The following DGKE variants were observed in gnomAD, a reference collection of about 807,000 sequenced individuals.
DGKE encodes the protein DAG kinase epsilon.
Under a neutral mutation model 70.0 loss-of-function variants are expected in DGKE, and 53 were observed. That is an observed-to-expected ratio of 0.76 (90% CI 0.61 to 0.95). The LOEUF is 0.95. DGKE is among the 40% of genes least tolerant of loss of function. The pLI, the probability that DGKE is intolerant of heterozygous loss-of-function variation, is 0.00. For synonymous variants in DGKE, 291 were observed against 257.0 expected (o/e 1.13, Z -1.27); for missense variants, 655 against 706.9 (o/e 0.93, Z 0.83).
At chr17:56,862,049 T>G in intron 10 of DGKE, 91 bp from the exon 11 acceptor site, 1 of 1,531,328 alleles carries the variant, frequency 6.5e-7, no homozygotes, top group South Asian at 1.2e-5. Context: ...TTTTTTAAGT[T>G]GATGGTCCAA....
At chr17:56,848,297 A>G (rs1405405757) in intron 5 of DGKE, among the ~76,000 whole-genome samples, 3 of 151,926 alleles carry the variant, frequency 2.0e-5, no homozygotes, top group Non-Finnish European at 4.4e-5. Flanking sequence ...TGCTGAGACT[A>G]TAGGTGTGCG....
In DGKE at chr17:56,848,897, C is replaced by T. The variant is rs762492894; in HGVS notation, c.1046+44C>T. On this transcript the variant is annotated intron_variant, in intron 6 of 11. Transcript: ENST00000284061. ...AAAAGTAGATTTCTTGAGATTTAGCCATAATTGGTTAACAAGTGAAGACTT... is the reference window on the plus strand; with the variant it reads ...AAAAGTAGATTTCTTGAGATTTAGCTATAATTGGTTAACAAGTGAAGACTT... The T allele has an allele frequency of 1.1e-5, 17 of 1,611,784 alleles. No individual in the cohort carries two copies. The Admixed American group carries it at 1.3e-4, about 13-fold the overall frequency.
In DGKE at chr17:56,841,003, C is replaced by T. The variant is rs555398768; in HGVS notation, c.465-3016C>T. 2.0e-5 allele frequency among the ~76,000 whole-genome samples: 3 copies of T among 152,050 alleles called. No homozygotes were observed. The South Asian group carries it at 6.3e-4, about 32-fold the overall frequency. On this transcript the variant is annotated intron_variant, in intron 2 of 11. Transcript: ENST00000284061. The stretch of plus-strand genomic sequence containing the variant: ...ACTCGGTGGCTCACACCTGTAATCC[C>T]AGCACTTTGGGAGGCCGAGGCAGAC...
chr17:56,840,338 T>TA (rs1368755455), intron 2 of DGKE, among the ~76,000 whole-genome samples: 3 of 152,092 alleles, frequency 2.0e-5, no homozygotes, highest in African/African-American at 7.2e-5. Context: ...CCAGATTTAT[T>TA]ATGGGTAGAT....
intron 8 of DGKE, among the ~76,000 whole-genome samples, chr17:56,858,096 G>GA (rs1908061702): frequency 2.2e-5 from 3 of 139,008 alleles, no homozygotes; most frequent in East Asian, 4.2e-4. Flanking sequence ...AAAAGAAAAA[G>GA]AAAAAATCAC....
In DGKE at chr17:56,834,976, G is replaced by C; in HGVS notation, c.181G>C (p.Gly61Arg). ...RRDIFRKSKH[G>R]WRDTDLFSQP... ...GGACATCTTCCGCAAGAGCAAGCACGGGTGGCGCGACACGGACCTGTTCAG... is the reference window on the plus strand; with the variant it reads ...GGACATCTTCCGCAAGAGCAAGCACCGGTGGCGCGACACGGACCTGTTCAG... Residue 61 changes from glycine (G) to arginine (R), a missense_variant, in exon 2 of 12, where the codon GGG (glycine) becomes CGG (arginine). Gly to Arg is a moderately radical substitution (Grantham distance 125). Coordinates refer to ENST00000284061, the MANE Select transcript of DGKE (RefSeq NM_003647.3). 1.2e-6 allele frequency: 2 copies of C among 1,612,906 alleles called. No homozygotes were observed. The highest frequency in any genetic ancestry group is 1.7e-6 in the Non-Finnish European group (2 of 1,179,966).
In DGKE at chr17:56,840,222, A is replaced by G. The variant is rs61557929; in HGVS notation, c.465-3797A>G. Among the ~76,000 whole-genome samples the G allele has an allele frequency of 8.9e-3, 1,351 of 152,348 alleles. 22 individuals carry two copies. Among genetic ancestry groups the G allele is most frequent in the African/African-American group, 0.03 (1,248 of 41,582 alleles). ...GAAATTTATGAGAATTTAATAAATG[A>G]TAAGTGTTCTGTCACAAATTATTGG... On this transcript the variant is annotated intron_variant, in intron 2 of 11. Transcript: ENST00000284061.
intron 2 of DGKE, chr17:56,836,510 A>C (rs1428145307): frequency 6.6e-6 from 1 of 152,244 alleles, no homozygotes; most frequent in Non-Finnish European, 1.5e-5. Flanking sequence ...TGTAGCCTCC[A>C]GCAGTCTGTG....
At chr17:56,843,114 G>A (rs1195602480) in intron 2 of DGKE, among the ~76,000 whole-genome samples, 1 of 152,162 alleles carries the variant, frequency 6.6e-6, no homozygotes, top group Non-Finnish European at 1.5e-5. Context: ...TAGGCCTCAT[G>A]AACCTACATT....
chr17:56,848,625 A>C (rs1907455826), intron 5 of DGKE, 71 bp from the exon 6 acceptor site: 1 of 1,523,864 alleles, frequency 6.6e-7, no homozygotes, highest in Non-Finnish European at 9.0e-7. Context: ...GGTCTTATTA[A>C]ATTTTACAAA....
rs1229365204 is a variant in DGKE, at chr17:56,864,211, A to G, written c.*1420A>G. The stretch of plus-strand genomic sequence containing the variant: ...CCACAGGTCGGCTGACCCAGAGGGC[A>G]TCCAGCCTGGTGTTTTTCTGACACA... On this transcript the variant is annotated 3_prime_UTR_variant, in exon 12 of 12. Transcript: ENST00000284061. 6.6e-6 allele frequency: 1 copy of G among 152,242 alleles called. No homozygotes were observed. The highest frequency in any genetic ancestry group is 1.5e-5 in the Non-Finnish European group (1 of 68,048). The allele number at this position is 152,242 out of a possible 1,614,324, so 9.4% of individuals were successfully genotyped here.
intron 4 of DGKE, chr17:56,847,352 T>TTTTTTTTTTA (rs1907348407): frequency 6.6e-6 from 1 of 151,690 alleles, no homozygotes; most frequent in African/African-American, 2.4e-5. Flanking sequence ...TTTTTTTTTT[T>TTTTTTTTTTA]GAGACAGAGT....
chr17:56,839,891 C>G (rs867246105), intron 2 of DGKE, among the ~76,000 whole-genome samples: 2 of 151,734 alleles, frequency 1.3e-5, no homozygotes, highest in Admixed American at 1.3e-4. Context: ...TTAAAATAAT[C>G]TTTTCTGGGC....
Position 56,862,804 on chromosome 17 carries a change from G to A in DGKE, c.*13G>A. On this transcript the variant is annotated 3_prime_UTR_variant, in exon 12 of 12. Coordinates refer to ENST00000284061, the MANE Select transcript of DGKE (RefSeq NM_003647.3). ...GGCGACTGAATAGATGGATGAGGGA[G>A]TGAAAACTTTGCATAGAATCCTCAC... is the stretch of plus-strand genomic sequence containing the variant. 1 of 1,521,398 alleles carries A rather than the reference G, an allele frequency of 6.6e-7. No individual in the cohort carries two copies. The highest frequency in any genetic ancestry group is 8.7e-7 in the Non-Finnish European group (1 of 1,143,890). The allele number at this position is 1,521,398 out of a possible 1,614,324, so 94.2% of individuals were successfully genotyped here.
intron 7 of DGKE, among the ~76,000 whole-genome samples, chr17:56,852,167 C>T (rs953613747): frequency 6.6e-6 from 1 of 152,160 alleles, no homozygotes; most frequent in Admixed American, 6.5e-5. Flanking sequence ...AATCCCAGCA[C>T]TCTGGGAGGC....
intron 7 of DGKE, among the ~76,000 whole-genome samples, chr17:56,855,477 TAAC>T (rs1439104589): frequency 6.6e-6 from 1 of 152,116 alleles, no homozygotes; most frequent in Non-Finnish European, 1.5e-5. Context: ...CATCTGAACA[TAAC>T]AAAGGCAGGA....
Position 56,847,960 on chromosome 17 carries a change from A to G in DGKE, c.783A>G (p.Leu261=), listed in dbSNP as rs371374045. The G allele has an allele frequency of 3.8e-6, 6 of 1,595,868 alleles. No individual in the cohort carries two copies. In the South Asian group the frequency reaches 4.6e-5, roughly 12 times the overall value. ...DVTKTPPIKA[L]QLCTLLPYYS... is the part of the protein sequence containing the mutation. ...CTAAAACTCCTCCTATCAAAGCCCT[A>G]CAACTCTGTACTCTTCTCCCATATT... is the stretch of plus-strand genomic sequence containing the variant. Residue 261 remains leucine, a synonymous_variant, in exon 5 of 12, where the codon CTA becomes CTG. Transcript: ENST00000284061.
chr17:56,845,489 TA>T (rs370183173), intron 3 of DGKE, among the ~76,000 whole-genome samples, 200 bp from the exon 4 acceptor site: 195 of 152,302 alleles, frequency 1.3e-3, no homozygotes, highest in African/African-American at 4.4e-3. Flanking sequence ...AGAAGAGAAT[TA>T]AACATTGAAT....
At position 56,862,126 on chromosome 17, in the gene DGKE, T is replaced by A. The variant is rs1208677842; in HGVS notation, c.1413-14T>A. 2 of 1,613,196 alleles carry A rather than the reference T, an allele frequency of 1.2e-6. No homozygotes were observed. Among genetic ancestry groups the A allele is most frequent in the Non-Finnish European group, 8.5e-7 (1 of 1,179,404 alleles). ...TTGCATCATATAATCCATATTTTCT[T>A]TTTCCAATTTTAGGCATGACGATGG... On this transcript the variant is annotated splice_polypyrimidine_tract_variant and intron_variant, in intron 10 of 11. Coordinates refer to ENST00000284061, the MANE Select transcript of DGKE (RefSeq NM_003647.3).
Sources: gnomAD v4.1 joint callset for allele counts (sites outside exome capture counted in the v4.1 genomes callset) on GRCh38, gnomAD v4.1.1 for gene constraint, MANE v1.5 for transcripts, NCBI Gene and HGNC (gene_info 2026-07-23, HGNC 2026-07-21) for gene names.